FREM3: variants seen among roughly 807,000 people sequenced by gnomAD.
FREM3 encodes the protein FRAS1 related extracellular matrix 3.
FREM3 carries 105 observed loss-of-function variants against 129.1 expected under a neutral mutation model. That is an observed-to-expected ratio of 0.81 (90% confidence interval 0.69 to 0.96). The LOEUF (loss-of-function observed/expected upper bound fraction) is 0.96. Ranked by LOEUF, FREM3 falls within the 40% of genes least tolerant of loss-of-function variation. The probability of loss-of-function intolerance (pLI) is 0.00; values close to 1 mark genes in which losing one functional copy is unlikely to be tolerated. For missense variants in FREM3, 2,593 were observed against 2,666.3 expected (o/e 0.97, Z 0.61); for synonymous variants, 1,014 against 1,044.9 (o/e 0.97, Z 0.57).
chr4:143,611,165 A>T (rs1560843888), intron 6 of FREM3, 114 bp downstream of exon 6: 3 of 1,184,626 alleles, frequency 2.5e-6, no homozygotes, highest in Non-Finnish European at 3.5e-6. Flanking sequence ...GAGATAAAAG[A>T]ACATCAAATA....
Position 143,699,757 on chromosome 4 carries a change from G to T in FREM3, c.919C>A (p.Pro307Thr). ...ATCATCATCGTGGCCATGAAGCTGG[G>T]CCTGGGCGGTGTGTTCTCGGCTCCG... Reference protein sequence around the residue: ...RGGAENTPPRPSFMATMMMEV... With the variant: ...RGGAENTPPRTSFMATMMMEV... Residue 307 changes from proline (P) to threonine (T), a missense_variant, in exon 1 of 8, where the codon CCC becomes ACC. Transcript: ENST00000329798. The surrounding 1 kb of genome is among the most constrained non-coding windows in gnomAD (Gnocchi z 4.2). 1.3e-6 allele frequency: 2 copies of T among 1,526,608 alleles called. No individual in the cohort carries two copies. The highest frequency in any genetic ancestry group is 1.8e-6 in the Non-Finnish European group (2 of 1,141,046). The allele number at this position is 1,526,608 out of a possible 1,614,324, so 94.6% of individuals were successfully genotyped here. A position where few individuals can be genotyped will look rare whatever the true frequency, so the allele number is the denominator to read the frequency against.
intron 2 of FREM3, among the ~76,000 whole-genome samples, chr4:143,644,707 C>A (rs1226344651): frequency 1.3e-5 from 2 of 152,114 alleles, no homozygotes; most frequent in Non-Finnish European, 2.9e-5. Flanking sequence ...AAAAGCATTT[C>A]TTGGAGTTTA....
At chr4:143,632,422 G>A (rs1320914449) in intron 2 of FREM3, among the ~76,000 whole-genome samples, 2 of 152,058 alleles carry the variant, frequency 1.3e-5, no homozygotes, top group East Asian at 3.9e-4. Flanking sequence ...AATATTTCAG[G>A]CAGAGGGAAA....
chr4:143,686,113 G>T (rs1740359576), intron 2 of FREM3, among the ~76,000 whole-genome samples: 1 of 152,114 alleles, frequency 6.6e-6, no homozygotes, highest in Non-Finnish European at 1.5e-5. Context: ...ATAACTTAGA[G>T]TAAAGGGGTG....
Position 143,611,493 on chromosome 4 carries a change from T to C in FREM3, c.5814A>G (p.Leu1938=). Residue 1938 remains leucine, a synonymous_variant, in exon 6 of 8, where the codon TTA becomes TTG. Transcript: ENST00000329798. ...SATGTISSTV[L]FSDYISRPED... The stretch of plus-strand genomic sequence containing the variant: ...CTGGACGTGAGATGTAATCAGAGAA[T>C]AACACTGTGGAAGAAATCGTGCCTG... 1 of 1,537,054 alleles carries C rather than the reference T, an allele frequency of 6.5e-7. No individual in the cohort carries two copies. The highest frequency in any genetic ancestry group is 8.7e-7 in the Non-Finnish European group (1 of 1,146,776).
chr4:143,661,573 G>C (rs1480570165), intron 2 of FREM3, among the ~76,000 whole-genome samples: 2 of 151,762 alleles, frequency 1.3e-5, no homozygotes, highest in Admixed American at 1.3e-4. Context: ...GTCTCTGCCC[G>C]CCTTTGGTAT....
chr4:143,699,808 A>G lies in FREM3; in HGVS notation c.868T>C (p.Phe290Leu), dbSNP rs1033035483. The change falls in exon 1 of 8, where the codon TTC (phenylalanine) becomes CTC (leucine). Residue 290 changes from phenylalanine (F) to leucine (L), a missense_variant. Transcript: ENST00000329798. The surrounding 1 kb of genome is among the most constrained non-coding windows in gnomAD (Gnocchi z 4.2). ...CCGCGGATCCTCACGAGCAGCTGGA[A>G]GTGCTCGCGGACCAGCACACCCGCG... The part of the protein sequence containing the change: ...GSAGVLVREH[F>L]QLLVRIRGGA... The G allele has an allele frequency of 1.3e-6, 2 of 1,536,322 alleles. No individual in the cohort carries two copies. Among genetic ancestry groups the G allele is most frequent in the Non-Finnish European group, 1.7e-6 (2 of 1,146,834 alleles).
chr4:143,615,526 C>G (rs967566935), intron 5 of FREM3, among the ~76,000 whole-genome samples: 1 of 152,010 alleles, frequency 6.6e-6, no homozygotes, highest in Admixed American at 6.5e-5. Context: ...AGCAAAGGCT[C>G]GGCTGGAGCA....
At chr4:143,663,752 AG>A (rs1343398468) in intron 2 of FREM3, among the ~76,000 whole-genome samples, 1 of 152,104 alleles carries the variant, frequency 6.6e-6, no homozygotes, top group African/African-American at 2.4e-5. Context: ...CTTTTCACAT[AG>A]TCCCATATTT....
In FREM3 at chr4:143,592,236, T is replaced by C. The variant is rs28827312; in HGVS notation, c.6029-6243A>G. ...CTTTTAATTGGAGCATTTAGCCCAT[T>C]TACATTTAAGGTTAGTATTGTTATG... On this transcript the variant is annotated intron_variant, in intron 6 of 7. Transcript: ENST00000329798. Among the ~76,000 whole-genome samples, 1,333 of 152,304 alleles carry C rather than the reference T, an allele frequency of 8.8e-3. 20 individuals are homozygous for C. Among genetic ancestry groups the C allele is most frequent in the East Asian group, 0.056 (289 of 5,178 alleles).
chr4:143,660,230 G>C (rs1341629934), intron 2 of FREM3, among the ~76,000 whole-genome samples: 1 of 151,530 alleles, frequency 6.6e-6, no homozygotes, highest in Non-Finnish European at 1.5e-5. Context: ...TAACATTTAA[G>C]TCTTTAATCC....
At chr4:143,659,242 C>A (rs992569669) in intron 2 of FREM3, among the ~76,000 whole-genome samples, 11 of 151,912 alleles carry the variant, frequency 7.2e-5, no homozygotes, top group Admixed American at 3.3e-4. Flanking sequence ...ATCCCTCCCC[C>A]CTACCCCCAC....
intron 2 of FREM3, among the ~76,000 whole-genome samples, chr4:143,633,647 G>A (rs567283523): frequency 6.6e-6 from 1 of 152,302 alleles, no homozygotes; most frequent in South Asian, 2.1e-4. Context: ...GTACATTAAA[G>A]CTATATTAAT....
intron 2 of FREM3, among the ~76,000 whole-genome samples, chr4:143,647,348 G>T (rs1051017825): frequency 6.6e-6 from 1 of 152,210 alleles, no homozygotes; most frequent in African/African-American, 2.4e-5. Flanking sequence ...GTTTTCTGGG[G>T]AGAAATTCAA....
chr4:143,665,155 A>C (rs1302778434), intron 2 of FREM3, among the ~76,000 whole-genome samples: 1 of 152,058 alleles, frequency 6.6e-6, no homozygotes, highest in Non-Finnish European at 1.5e-5. Context: ...TCAGATGGAA[A>C]TGCAGAAATC....
intron 2 of FREM3, among the ~76,000 whole-genome samples, chr4:143,668,297 G>A (rs950629966): frequency 6.6e-6 from 1 of 152,160 alleles, no homozygotes; most frequent in African/African-American, 2.4e-5. Flanking sequence ...GAAGAAAAAA[G>A]TAAAAGCAAA....
At chr4:143,648,769 T>C (rs1212244709) in intron 2 of FREM3, among the ~76,000 whole-genome samples, 1 of 152,194 alleles carries the variant, frequency 6.6e-6, no homozygotes, top group Non-Finnish European at 1.5e-5. Flanking sequence ...CATAGCTGTG[T>C]GAGAATGGAC....
chr4:143,625,839 T>A (rs1202516060), intron 3 of FREM3, among the ~76,000 whole-genome samples: 2 of 152,182 alleles, frequency 1.3e-5, no homozygotes, highest in Non-Finnish European at 1.5e-5. Context: ...TGCCACAGAA[T>A]GGTATTTATC....
At chr4:143,651,246 G>A (rs1165726671) in intron 2 of FREM3, among the ~76,000 whole-genome samples, 1 of 152,158 alleles carries the variant, frequency 6.6e-6, no homozygotes, top group Non-Finnish European at 1.5e-5. Context: ...TAAACAAATA[G>A]TTAATGCTGG....
Sources: gnomAD v4.1 joint callset for allele counts (sites outside exome capture counted in the v4.1 genomes callset) on GRCh38, gnomAD v4.1.1 for gene constraint, Gnocchi (gnomAD v3.1) non-coding constraint, MANE v1.5 for transcripts, NCBI Gene and HGNC (gene_info 2026-07-23, HGNC 2026-07-21) for gene names.